Variants in GALNT1 observed in about 807,000 individuals in gnomAD.
The protein encoded by GALNT1 is polypeptide N-acetylgalactosaminyltransferase 1.
A neutral mutation model predicts 65.7 loss-of-function variants in GALNT1; 17 were observed. That is an observed-to-expected ratio of 0.26 (90% CI 0.18 to 0.39). The LOEUF (loss-of-function observed/expected upper bound fraction) is 0.39, where lower values mean the gene tolerates loss of function less well. GALNT1 is among the 10% of genes least tolerant of loss of function. GALNT1 has a pLI of 1.00. For synonymous variants in GALNT1, 210 were observed against 219.7 expected (o/e 0.96, Z 0.39); for missense variants, 460 against 672.8 (o/e 0.68, Z 3.50).
intron 2 of GALNT1, among the ~76,000 whole-genome samples, chr18:35,660,814 T>G (rs1020553310): frequency 2.0e-5 from 3 of 152,226 alleles, no homozygotes; most frequent in Admixed American, 6.5e-5. Context: ...TTGTATTTTC[T>G]TATTAATAAT....
At chr18:35,633,029 A>G (rs2144216494) in intron 1 of GALNT1, among the ~76,000 whole-genome samples, 1 of 152,338 alleles carries the variant, frequency 6.6e-6, no homozygotes, top group East Asian at 1.9e-4. Context: ...GTGATCATTA[A>G]AAAGTCAGGA....
At chr18:35,609,403 T>G (rs1329825399) in intron 1 of GALNT1, among the ~76,000 whole-genome samples, 2 of 152,204 alleles carry the variant, frequency 1.3e-5, no homozygotes, top group Non-Finnish European at 2.9e-5. Context: ...GATATGGAAA[T>G]AGCTTGGCTT....
At chr18:35,603,317 G>A (rs1305210409) in intron 1 of GALNT1, among the ~76,000 whole-genome samples, 2 of 152,096 alleles carry the variant, frequency 1.3e-5, no homozygotes, top group African/African-American at 4.8e-5. Context: ...GGGGTATTGT[G>A]GAGAGAGAAG....
chr18:35,691,046 C>G lies in GALNT1; in HGVS notation c.1013C>G (p.Thr338Arg). ...WQCGGTLEIV[T>R]CSHVGHVFRK... ...TGTGGAGGAACTTTGGAAATTGTTA[C>G]ATGCTCACATGTTGGACATGTGTTT... Residue 338 changes from threonine to arginine, a missense_variant, in exon 8 of 12, where the codon ACA becomes AGA. Coordinates refer to ENST00000269195, the MANE Select transcript of GALNT1 (RefSeq NM_020474.4). 6.2e-7 allele frequency: 1 copy of G among 1,607,054 alleles called. No homozygotes were observed. Among genetic ancestry groups the G allele is most frequent in the Non-Finnish European group, 8.5e-7 (1 of 1,177,416 alleles).
intron 1 of GALNT1, among the ~76,000 whole-genome samples, chr18:35,591,296 T>G (rs533899780): frequency 6.6e-6 from 1 of 152,338 alleles, no homozygotes; most frequent in South Asian, 2.1e-4. Context: ...GCTGTGGTCC[T>G]GCCCTATGCT....
chr18:35,637,325 T>C (rs1228658971), intron 1 of GALNT1, among the ~76,000 whole-genome samples: 1 of 152,248 alleles, frequency 6.6e-6, no homozygotes, highest in South Asian at 2.1e-4. Context: ...TCTTGCGCCA[T>C]ATAACTTGAA....
chr18:35,639,878 C>G (rs1245789287), intron 1 of GALNT1, among the ~76,000 whole-genome samples: 1 of 148,312 alleles, frequency 6.7e-6, no homozygotes, highest in Non-Finnish European at 1.5e-5. Context: ...CTCACTGCAA[C>G]CTCCACCTCC....
intron 1 of GALNT1, among the ~76,000 whole-genome samples, chr18:35,604,365 T>A (rs2046620907): frequency 6.6e-6 from 1 of 152,156 alleles, no homozygotes; most frequent in Admixed American, 6.5e-5. Flanking sequence ...CTATTGTGAG[T>A]AGTGCTGCGA....
intron 1 of GALNT1, among the ~76,000 whole-genome samples, chr18:35,593,943 C>G (rs1033678464): frequency 6.6e-6 from 1 of 152,096 alleles, no homozygotes. Flanking sequence ...CTCCTGACCT[C>G]AGGTGATCTA....
chr18:35,588,031 A>G (rs995454823), intron 1 of GALNT1, among the ~76,000 whole-genome samples: 1 of 152,058 alleles, frequency 6.6e-6, no homozygotes, highest in Admixed American at 6.5e-5. Context: ...GTTCTTTTAA[A>G]TTTATTGAGG....
chr18:35,608,729 A>G (rs760414359), intron 1 of GALNT1, among the ~76,000 whole-genome samples: 24 of 152,224 alleles, frequency 1.6e-4, no homozygotes, highest in Non-Finnish European at 2.5e-4. Flanking sequence ...AGTAAAAATA[A>G]TATAGTATGA....
rs564979969 is a variant in GALNT1 at position 35,711,797 on chromosome 18, T to C, written c.*2027T>C. ...TGCCTTTATTTTTCTAATTAAAGAA[T>C]TCCTAAATACTTTGAAAATACAAAA... On this transcript the variant is annotated 3_prime_UTR_variant, in exon 12 of 12. Transcript: ENST00000269195. 1 of 152,304 alleles carries C rather than the reference T, an allele frequency of 6.6e-6. No homozygotes were observed. Among genetic ancestry groups the C allele is most frequent in the African/African-American group, 2.4e-5 (1 of 41,566 alleles). 9.4% of individuals were successfully genotyped at this position (152,304 alleles called of 1,614,324 possible).
intron 1 of GALNT1, among the ~76,000 whole-genome samples, chr18:35,636,512 C>G (rs2047090560): frequency 6.6e-6 from 1 of 152,188 alleles, no homozygotes; most frequent in Non-Finnish European, 1.5e-5. Flanking sequence ...AGAAACTTCC[C>G]TATCTTGATG....
intron 11 of GALNT1, among the ~76,000 whole-genome samples, chr18:35,704,588 A>AT (rs1337751185): frequency 6.6e-6 from 1 of 151,912 alleles, no homozygotes; most frequent in East Asian, 1.9e-4. Context: ...GATTACAGGC[A>AT]TGAGCCATCA....
intron 7 of GALNT1, among the ~76,000 whole-genome samples, chr18:35,690,643 T>G (rs1383890544): frequency 6.6e-6 from 1 of 152,192 alleles, no homozygotes; most frequent in Non-Finnish European, 1.5e-5. Flanking sequence ...ATCTTCAACT[T>G]TTGGTTTGAT....
At chr18:35,658,037 A>G (rs1487644415) in intron 2 of GALNT1, among the ~76,000 whole-genome samples, 2 of 152,248 alleles carry the variant, frequency 1.3e-5, no homozygotes, top group Non-Finnish European at 2.9e-5. Flanking sequence ...TCCACAGGTT[A>G]TTATAGTTTT....
intron 1 of GALNT1, among the ~76,000 whole-genome samples, chr18:35,630,948 A>G (rs2046998386): frequency 6.6e-6 from 1 of 152,234 alleles, no homozygotes; most frequent in Non-Finnish European, 1.5e-5. Context: ...AAACTAGAAA[A>G]TCTAGAAGAA....
Position 35,687,011 on chromosome 18 carries a change from A to G in GALNT1, c.690-5A>G, listed in dbSNP as rs1423232245. On this transcript the variant is annotated splice_region_variant and splice_polypyrimidine_tract_variant and intron_variant, in intron 5 of 11. Transcript: ENST00000269195. ...AGATTTCTTAACTTGCTTTTATGAC[A>G]TCAGGAGAACAGTGGTGTGTCCCAT... 1.9e-6 allele frequency: 3 copies of G among 1,605,212 alleles called. No homozygotes were observed. Among genetic ancestry groups the G allele is most frequent in the Admixed American group, 1.7e-5 (1 of 58,438 alleles).
chr18:35,661,241 G>A (rs1010582759), intron 2 of GALNT1, among the ~76,000 whole-genome samples: 1 of 152,170 alleles, frequency 6.6e-6, no homozygotes, highest in African/African-American at 2.4e-5. Context: ...GCTCACACCT[G>A]TAATCCCAGC....
Sources: gnomAD v4.1 joint callset for allele counts (sites outside exome capture counted in the v4.1 genomes callset) on GRCh38, gnomAD v4.1.1 for gene constraint, MANE v1.5 for transcripts, NCBI Gene and HGNC (gene_info 2026-07-23, HGNC 2026-07-21) for gene names.